ZEB2: variants seen among roughly 807,000 people sequenced by gnomAD.
The protein encoded by ZEB2 is zinc finger E-box binding homeobox 2, also known as zinc finger E-box-binding homeobox 2.
Under a neutral mutation model 99.9 loss-of-function variants are expected in ZEB2, and 6 were observed. The ratio of observed to expected loss-of-function variants is 0.06; its 90% CI spans 0.03 to 0.12. The LOEUF (loss-of-function observed/expected upper bound fraction) is 0.12, where lower values mean the gene tolerates loss of function less well. Ranked by LOEUF, ZEB2 falls within the 10% of genes least tolerant of loss-of-function variation. ZEB2 has a pLI of 1.00. For synonymous variants in ZEB2, 517 were observed against 542.5 expected (o/e 0.95, Z 0.65); for missense variants, 969 against 1,502.8 (o/e 0.64, Z 5.87).
chr2:144,415,920 C>T (rs1467319621), intron 4 of ZEB2, among the ~76,000 whole-genome samples: 3 of 152,180 alleles, frequency 2.0e-5, no homozygotes, highest in Non-Finnish European at 4.4e-5. Flanking sequence ...CAAAATGACG[C>T]CTGTCCCATG....
intron 2 of ZEB2, among the ~76,000 whole-genome samples, chr2:144,481,321 C>A (rs2149914181): frequency 6.6e-6 from 1 of 152,290 alleles, no homozygotes; most frequent in South Asian, 2.1e-4. Flanking sequence ...CTGTATGTGG[C>A]CCGAGCACAT....
chr2:144,391,325 T>G (rs1186936233), intron 9 of ZEB2, among the ~76,000 whole-genome samples: 1 of 152,228 alleles, frequency 6.6e-6, no homozygotes, highest in Non-Finnish European at 1.5e-5. Context: ...TGATGATAAA[T>G]GTAGTAAGGT....
chr2:144,461,104 T>TC (rs957364511), intron 2 of ZEB2: 2 of 150,922 alleles, frequency 1.3e-5, no homozygotes, highest in Non-Finnish European at 3.0e-5. Context: ...TTTTTCTTTT[T>TC]TTTTTTTATC....
Position 144,389,663 on chromosome 2 carries a change from C to G in ZEB2, c.3433G>C (p.Glu1145Gln). 6.2e-7 allele frequency: 1 copy of G among 1,614,166 alleles called. No individual in the cohort carries two copies. Among genetic ancestry groups the G allele is most frequent in the South Asian group, 1.1e-5 (1 of 91,086 alleles). ...CTGCCCAGCTTCCCGTAGCCATCCT[C>G]GCCTTCTTTCTCGTGCTCCTTCTCG... The part of the protein sequence containing the change: ...ESEKEHEKEG[E>Q]DGYGKLGRQD... Residue 1145 changes from glutamate to glutamine, a missense_variant, in exon 10 of 10, where the codon GAG becomes CAG. By Grantham distance (29) the Glu-to-Gln change is conservative. Transcript: ENST00000627532. The surrounding 1 kb of genome is among the most constrained non-coding windows in gnomAD (Gnocchi z 6.8).
intron 4 of ZEB2, among the ~76,000 whole-genome samples, chr2:144,417,158 G>A (rs554745679): frequency 6.6e-6 from 1 of 152,272 alleles, no homozygotes; most frequent in South Asian, 2.1e-4. Flanking sequence ...GTCCCAATAA[G>A]TGACCATTGA....
intron 2 of ZEB2, among the ~76,000 whole-genome samples, chr2:144,497,038 T>C (rs1415556273): frequency 6.6e-6 from 1 of 152,196 alleles, no homozygotes; most frequent in African/African-American, 2.4e-5. Flanking sequence ...GTTTCAGACA[T>C]CTCAGTTGGC....
chr2:144,416,738 C>G (rs1220196310), intron 4 of ZEB2, among the ~76,000 whole-genome samples: 1 of 152,182 alleles, frequency 6.6e-6, no homozygotes, highest in East Asian at 1.9e-4. Context: ...CAGCCTTTCT[C>G]TCTTTCTCTC....
At chr2:144,498,057 TAATATATATTAATATTATATATTATATAA>T (rs1704808588) in intron 2 of ZEB2, among the ~76,000 whole-genome samples, 1 of 72,974 alleles carries the variant, frequency 1.4e-5, no homozygotes, top group Non-Finnish European at 2.5e-5. Context: ...ATATATTATA[TAATATATATTAATATTATATATTATATAA>T]TATATATTAA....
intron 2 of ZEB2, chr2:144,463,325 T>G (rs1051611504): frequency 1.3e-5 from 2 of 151,952 alleles, no homozygotes; most frequent in Admixed American, 1.3e-4. Flanking sequence ...TGTAACGAGA[T>G]CTAATTGGGA....
chr2:144,421,234 C>T (rs946515698), intron 4 of ZEB2, among the ~76,000 whole-genome samples: 2 of 152,158 alleles, frequency 1.3e-5, no homozygotes, highest in African/African-American at 4.8e-5. Flanking sequence ...GATAAAGCAG[C>T]CCAAACCCCA....
intron 4 of ZEB2, among the ~76,000 whole-genome samples, chr2:144,411,101 G>C (rs377492176): frequency 2.1e-5 from 1 of 47,120 alleles, no homozygotes; most frequent in Admixed American, 2.5e-4. Context: ...ATATATATAT[G>C]TATAATAGGG....
intron 3 of ZEB2, among the ~76,000 whole-genome samples, chr2:144,425,597 T>C (rs1372526238): frequency 6.6e-6 from 1 of 152,172 alleles, no homozygotes; most frequent in Admixed American, 6.6e-5. Context: ...ATATATAATG[T>C]TGAAGTTAAA....
chr2:144,434,524 G>A (rs1452414583), intron 2 of ZEB2, among the ~76,000 whole-genome samples: 1 of 152,158 alleles, frequency 6.6e-6, no homozygotes, highest in African/African-American at 2.4e-5. Context: ...GTCTTTAGGT[G>A]TACAACAGCC....
At chr2:144,450,087 T>C (rs1349549576) in intron 2 of ZEB2, 1 of 152,218 alleles carries the variant, frequency 6.6e-6, no homozygotes, top group African/African-American at 2.4e-5. Flanking sequence ...CCACTGGAAT[T>C]GTATTACCAC....
At chr2:144,517,901 C>G (rs144135134) in intron 1 of ZEB2, 1 of 467,268 alleles carries the variant, frequency 2.1e-6, no homozygotes, top group African/African-American at 2.0e-5. Flanking sequence ...GAAGCACACT[C>G]GGGCAAATTG....
intron 4 of ZEB2, among the ~76,000 whole-genome samples, chr2:144,405,716 T>C (rs549834873): frequency 2.0e-5 from 3 of 152,270 alleles, no homozygotes; most frequent in African/African-American, 7.2e-5. Flanking sequence ...TCACAGCTGA[T>C]AGAAATAAAA....
intron 2 of ZEB2, among the ~76,000 whole-genome samples, chr2:144,437,633 A>C (rs769629457): frequency 5.9e-5 from 9 of 152,218 alleles, no homozygotes; most frequent in Non-Finnish European, 1.2e-4. Context: ...CTTCTGAGCC[A>C]TCAAAATTGT....
chr2:144,511,472 G>A (rs531689999), intron 2 of ZEB2: 2 of 1,274,080 alleles, frequency 1.6e-6, no homozygotes, highest in Non-Finnish European at 2.0e-6. Context: ...TGTCACACAA[G>A]ATAAAAGTAT....
rs1411748525 is a variant in ZEB2 at position 144,416,693 on chromosome 2, C to G, written c.403+8103G>C. Among the ~76,000 whole-genome samples the G allele has an allele frequency of 3.9e-5, 6 of 152,130 alleles. No individual in the cohort carries two copies. The East Asian group carries it at 1.2e-3, about 29-fold the overall frequency. On this transcript the variant is annotated intron_variant, in intron 4 of 9. Transcript: ENST00000627532. ...ATTCTCTTACAACTCGTTTGATAAC[C>G]CACTCCATCTTTCACCCAGTCTCCT...
Sources: gnomAD v4.1 joint callset for allele counts (sites outside exome capture counted in the v4.1 genomes callset) on GRCh38, gnomAD v4.1.1 for gene constraint, Gnocchi (gnomAD v3.1) non-coding constraint, MANE v1.5 for transcripts, NCBI Gene and HGNC (gene_info 2026-07-23, HGNC 2026-07-21) for gene names.